KIF26B: variants seen among roughly 807,000 people sequenced by gnomAD.
KIF26B encodes the protein kinesin family member 26B.
KIF26B carries 63 observed loss-of-function variants against 151.2 expected under a neutral mutation model. The observed-to-expected ratio is 0.42, with a 90% CI of 0.34 to 0.51. KIF26B has a LOEUF of 0.51. KIF26B is among the 20% of genes least tolerant of loss of function. The pLI is 0.07. For missense variants in KIF26B, 2,813 were observed against 2,913.6 expected (o/e 0.97, Z 0.79); for synonymous variants, 1,357 against 1,262.1 (o/e 1.08, Z -1.59).
At chr1:245,189,625 G>A (rs555077420) in intron 2 of KIF26B, among the ~76,000 whole-genome samples, 33 of 152,182 alleles carry the variant, frequency 2.2e-4, no homozygotes, top group Non-Finnish European at 4.3e-4. Context: ...CTAAATTAGA[G>A]GTAAGCCCCC....
chr1:245,165,973 A>C (rs1668608485), intron 2 of KIF26B, among the ~76,000 whole-genome samples: 1 of 152,160 alleles, frequency 6.6e-6, no homozygotes, highest in Admixed American at 6.5e-5. Flanking sequence ...GATACAAGAG[A>C]TCCACTTCTT....
intron 4 of KIF26B, among the ~76,000 whole-genome samples, chr1:245,499,295 C>T (rs745528899): frequency 1.3e-5 from 2 of 151,924 alleles, no homozygotes; most frequent in Non-Finnish European, 2.9e-5. Context: ...TTCCTGGAAA[C>T]CCTTTCTAGG....
rs1658849257 is a variant in KIF26B at position 245,434,221 on chromosome 1, G to T, written c.1166+14476G>T. Among the ~76,000 whole-genome samples the T allele has an allele frequency of 1.3e-5, 2 of 152,122 alleles. 1 individual carries two copies. The highest frequency in any genetic ancestry group is 4.1e-4 in the South Asian group (2 of 4,826). The stretch of plus-strand genomic sequence containing the variant: ...GGCACTTACTAGGGATGGAAAAACT[G>T]GTCTGAAGTTCTTAGGCATACTCTT... On this transcript the variant is annotated intron_variant, in intron 4 of 14. Transcript: ENST00000407071.
intron 9 of KIF26B, among the ~76,000 whole-genome samples, chr1:245,637,400 A>G (rs1398575997): frequency 6.6e-6 from 1 of 151,890 alleles, no homozygotes; most frequent in African/African-American, 2.4e-5. Flanking sequence ...TGAATTCCTC[A>G]TATATTCTGG....
chr1:245,177,185 C>A (rs1018575900), intron 2 of KIF26B, among the ~76,000 whole-genome samples: 1 of 152,162 alleles, frequency 6.6e-6, no homozygotes, highest in Admixed American at 6.5e-5. Context: ...AGATGCCTGG[C>A]CTCACGCCTC....
Position 245,688,517 on chromosome 1 carries a change from A to T in KIF26B, c.5534A>T (p.His1845Leu). Reference sequence around the variant, plus strand: ...GCCGAGGACGAGCCCGCGGCCGCGCACCTGCTCCCGTCGCCCTACAGCAAG... The same window carrying T: ...GCCGAGGACGAGCCCGCGGCCGCGCTCCTGCTCCCGTCGCCCTACAGCAAG... ...ALAEDEPAAAHLLPSPYSKIT... is the reference protein window; with the variant it reads ...ALAEDEPAAALLLPSPYSKIT... The change falls in exon 12 of 15, where the codon CAC becomes CTC. Residue 1845 changes from histidine (H) to leucine (L), a missense_variant. Coordinates refer to ENST00000407071, the MANE Select transcript of KIF26B (RefSeq NM_018012.4). The T allele has an allele frequency of 6.6e-7, 1 of 1,521,136 alleles. No individual in the cohort carries two copies. Among genetic ancestry groups the T allele is most frequent in the Non-Finnish European group, 8.8e-7 (1 of 1,139,240 alleles). 94.2% of individuals were successfully genotyped at this position (1,521,136 alleles called of 1,614,324 possible). A position where few individuals can be genotyped will look rare whatever the true frequency, so the allele number is the denominator to read the frequency against.
chr1:245,172,820 A>G (rs1668737135), intron 2 of KIF26B, among the ~76,000 whole-genome samples: 1 of 152,124 alleles, frequency 6.6e-6, no homozygotes, highest in South Asian at 2.1e-4. Context: ...AAAAAACAAA[A>G]ACAAAAACAA....
chr1:245,511,584 T>TTTTG (rs202131944), intron 4 of KIF26B, among the ~76,000 whole-genome samples: 3,151 of 152,164 alleles, frequency 0.021, 107 homozygotes, highest in African/African-American at 0.072. Context: ...ATGTGAGGGT[T>TTTTG]TTTGTTTGTT....
At chr1:245,210,941 C>A (rs950226066) in intron 2 of KIF26B, among the ~76,000 whole-genome samples, 1 of 152,150 alleles carries the variant, frequency 6.6e-6, no homozygotes, top group Admixed American at 6.6e-5. Context: ...TTACCACTGG[C>A]GATGTTCTGT....
chr1:245,225,680 C>T (rs564441661), intron 2 of KIF26B, among the ~76,000 whole-genome samples: 241 of 152,286 alleles, frequency 1.6e-3, no homozygotes, highest in African/African-American at 5.5e-3. Flanking sequence ...ACTCATTTGG[C>T]TATAATCAGA....
rs148116924 is a variant in KIF26B at position 245,217,616 on chromosome 1, C to T, written c.465+60933C>T. 5.5e-3 allele frequency among the ~76,000 whole-genome samples: 832 copies of T among 152,138 alleles called. 12 individuals are homozygous for T. The highest frequency in any genetic ancestry group is 0.019 in the African/African-American group (777 of 41,490). Reference sequence around the variant, plus strand: ...AACTCCTGACCTCAGGTGATCTGCTCGCCTCAGCCTCCCAAAGTGCTAGGA... The same window carrying T: ...AACTCCTGACCTCAGGTGATCTGCTTGCCTCAGCCTCCCAAAGTGCTAGGA... On this transcript the variant is annotated intron_variant, in intron 2 of 14. Coordinates refer to ENST00000407071, the MANE Select transcript of KIF26B (RefSeq NM_018012.4).
intron 14 of KIF26B, among the ~76,000 whole-genome samples, chr1:245,699,307 C>T (rs2044737474): frequency 6.6e-6 from 1 of 152,204 alleles, no homozygotes; most frequent in African/African-American, 2.4e-5. Context: ...TGAGATTTTT[C>T]CCCCTGCGTG....
At chr1:245,281,367 A>G (rs1671047761) in intron 2 of KIF26B, among the ~76,000 whole-genome samples, 1 of 50,748 alleles carries the variant, frequency 2.0e-5, no homozygotes, top group Non-Finnish European at 3.4e-5. Context: ...GATGATGAGC[A>G]TTTTTTCATG....
chr1:245,228,837 G>A (rs1013531972), intron 2 of KIF26B, among the ~76,000 whole-genome samples: 24 of 152,182 alleles, frequency 1.6e-4, no homozygotes, highest in African/African-American at 5.6e-4. Context: ...GGAGCCTAGC[G>A]TCACCTGACT....
rs1297011022 is a variant in KIF26B at position 245,597,254 on chromosome 1, C to T, written c.1351-5323C>T. Among the ~76,000 whole-genome samples, 2 of 152,152 alleles carry T rather than the reference C, an allele frequency of 1.3e-5. No individual in the cohort carries two copies. Among genetic ancestry groups the T allele is most frequent in the African/African-American group, 2.4e-5 (1 of 41,420 alleles). On this transcript the variant is annotated intron_variant, in intron 5 of 14. Transcript: ENST00000407071. The surrounding 1 kb of genome is among the most constrained non-coding windows in gnomAD (Gnocchi z 4.6). ...GTCTTTACAATTTGGTATCTTTGTG[C>T]AGTGGGCTGGTACCAGTTGATCCTT...
chr1:245,222,475 C>G (rs1669795026), intron 2 of KIF26B, among the ~76,000 whole-genome samples: 1 of 152,042 alleles, frequency 6.6e-6, no homozygotes, highest in South Asian at 2.1e-4. Context: ...AACGTATACT[C>G]TAGAGGCTTA....
intron 10 of KIF26B, among the ~76,000 whole-genome samples, chr1:245,679,948 C>G (rs1483896167): frequency 6.6e-6 from 1 of 152,132 alleles, no homozygotes; most frequent in Non-Finnish European, 1.5e-5. Flanking sequence ...CCCCCCAACC[C>G]AAACCCCTCC....
chr1:245,311,792 G>T (rs1272865285), intron 2 of KIF26B, among the ~76,000 whole-genome samples: 1 of 151,718 alleles, frequency 6.6e-6, no homozygotes, highest in East Asian at 1.9e-4. Flanking sequence ...AATTAGCCTG[G>T]TGTGGCAGGC....
At chr1:245,414,943 G>A (rs1002562107) in intron 3 of KIF26B, among the ~76,000 whole-genome samples, 1 of 152,168 alleles carries the variant, frequency 6.6e-6, no homozygotes, top group Admixed American at 6.5e-5. Context: ...GGAAAAAAAC[G>A]GGAATCAGAG....
Sources: gnomAD v4.1 joint callset for allele counts (sites outside exome capture counted in the v4.1 genomes callset) on GRCh38, gnomAD v4.1.1 for gene constraint, Gnocchi (gnomAD v3.1) non-coding constraint, MANE v1.5 for transcripts, NCBI Gene and HGNC (gene_info 2026-07-23, HGNC 2026-07-21) for gene names.